The following TAF11 variants were observed in gnomAD, a reference collection of about 807,000 sequenced individuals.
The protein encoded by TAF11 is transcription initiation factor TFIID subunit 11.
A neutral mutation model predicts 23.0 loss-of-function variants in TAF11; 10 were observed. The ratio of observed to expected loss-of-function variants is 0.43; its 90% confidence interval spans 0.27 to 0.74. The LOEUF (loss-of-function observed/expected upper bound fraction) is 0.74, where lower values mean the gene tolerates loss of function less well. Among genes scored for constraint, TAF11 ranks in the 30% least tolerant of loss-of-function variants. The pLI, the probability that TAF11 is intolerant of heterozygous loss-of-function variation, is 0.19. For synonymous variants in TAF11, 85 were observed against 95.8 expected (o/e 0.89, Z 0.66); for missense variants, 196 against 261.7 (o/e 0.75, Z 1.73).
Position 34,877,674 on chromosome 6 carries a change from C to G in TAF11, c.*916G>C, listed in dbSNP as rs961806290. The G allele has an allele frequency of 1.3e-5, 2 of 152,198 alleles. No homozygotes were observed. Among genetic ancestry groups the G allele is most frequent in the Non-Finnish European group, 2.9e-5 (2 of 67,992 alleles). The allele number at this position is 152,198 out of a possible 1,614,324, so 9.4% of individuals were successfully genotyped here. A position where few individuals can be genotyped will look rare whatever the true frequency, so the allele number is the denominator to read the frequency against. ...TTTAATGGTTCTACTAGAAAAAGTG[C>G]TCAAATTTTCACAAAATAGCCAAAA... On this transcript the variant is annotated 3_prime_UTR_variant, in exon 5 of 5. Transcript: ENST00000361288.
chr6:34,882,410 G>A (rs1321324610), intron 2 of TAF11, among the ~76,000 whole-genome samples: 1 of 151,744 alleles, frequency 6.6e-6, no homozygotes, highest in African/African-American at 2.4e-5. Flanking sequence ...TTGGGAGGCC[G>A]AGGCGGGCAG....
At position 34,878,402 on chromosome 6, in the gene TAF11, C is replaced by G; in HGVS notation, c.*188G>C. The stretch of plus-strand genomic sequence containing the variant: ...GCCCCAAGAGGTCCCAAAATTTAGT[C>G]AAGGCAAGTATCAATCAGGCTACAT... On this transcript the variant is annotated 3_prime_UTR_variant, in exon 5 of 5. Transcript: ENST00000361288. The G allele has an allele frequency of 1.8e-6, 1 of 556,118 alleles. No individual in the cohort carries two copies. Among genetic ancestry groups the G allele is most frequent in the Non-Finnish European group, 3.2e-6 (1 of 310,914 alleles). The allele number at this position is 556,118 out of a possible 1,614,324, so 34.4% of individuals were successfully genotyped here. A position where few individuals can be genotyped will look rare whatever the true frequency, so the allele number is the denominator to read the frequency against.
chr6:34,887,005 A>G (rs1766538961), intron 1 of TAF11, among the ~76,000 whole-genome samples: 1 of 151,796 alleles, frequency 6.6e-6, no homozygotes, highest in African/African-American at 2.4e-5. Context: ...ACCAGACCCA[A>G]TTGATGGGTC....
rs765594003 is a variant in TAF11 at position 34,887,974 on chromosome 6, G to A, written c.-17C>T. 8 of 1,613,158 alleles carry A rather than the reference G, an allele frequency of 5.0e-6. No individual in the cohort carries two copies. The highest frequency in any genetic ancestry group is 2.2e-5 in the South Asian group (2 of 91,080). On this transcript the variant is annotated 5_prime_UTR_variant, in exon 1 of 5. Coordinates refer to ENST00000361288, the MANE Select transcript of TAF11 (RefSeq NM_005643.4). ...ATCGTCCATCACGGATAGGATTGGA[G>A]GGGAGAGGAGATCGCGGAGATGCCT...
chr6:34,880,281 A>G lies in TAF11; in HGVS notation c.408+8T>C, dbSNP rs749490510. On this transcript the variant is annotated splice_region_variant and intron_variant, in intron 3 of 4. Transcript: ENST00000361288. The surrounding 1 kb of genome is among the most constrained non-coding windows in gnomAD (Gnocchi z 4.8). ...TGATGGAGATGAAGTGTGGTGGTCC[A>G]TCCTTACCCTTTTGATGGCTGCCTT... The G allele has an allele frequency of 1.2e-6, 2 of 1,614,066 alleles. No homozygotes were observed. The highest frequency in any genetic ancestry group is 2.2e-5 in the South Asian group (2 of 91,078).
At chr6:34,886,414 A>C (rs1283245111) in intron 1 of TAF11, among the ~76,000 whole-genome samples, 1 of 136,838 alleles carries the variant, frequency 7.3e-6, no homozygotes, top group Non-Finnish European at 1.5e-5. Context: ...AACAAACAAA[A>C]AACCTGCCTT....
At chr6:34,883,872 CTCATA>C (rs1766488050) in intron 1 of TAF11, among the ~76,000 whole-genome samples, 1 of 152,186 alleles carries the variant, frequency 6.6e-6, no homozygotes, top group South Asian at 2.1e-4. Context: ...GAGATACCAT[CTCATA>C]TCAGTCAGAA....
intron 2 of TAF11, 51 bp downstream of exon 2, chr6:34,882,881 G>A: frequency 6.6e-6 from 10 of 1,516,318 alleles, no homozygotes; most frequent in South Asian, 2.7e-5. Context: ...TATTAAATTT[G>A]TGTGGTCAAG....
chr6:34,883,083 G>A lies in TAF11; in HGVS notation c.172-3C>T. On this transcript the variant is annotated splice_polypyrimidine_tract_variant and splice_region_variant and intron_variant, in intron 1 of 4. Transcript: ENST00000361288. ...TCTGAGACATCCTGACTCTCGAGCT[G>A]GGAAGATGAAAGAAACTCTATTATA... 2.5e-6 allele frequency: 4 copies of A among 1,605,788 alleles called. No homozygotes were observed. Among genetic ancestry groups the A allele is most frequent in the Non-Finnish European group, 3.4e-6 (4 of 1,177,968 alleles).
chr6:34,877,904 A>AAAG lies in TAF11; in HGVS notation c.*683_*685dup, dbSNP rs1283353351. On this transcript the variant is annotated 3_prime_UTR_variant, in exon 5 of 5. Coordinates refer to ENST00000361288, the MANE Select transcript of TAF11 (RefSeq NM_005643.4). ...CCTTCATGGTAGAGTATCACAAGTA[A>AAAG]AAGTTTCTGGTTGTTTCATCTACTT... The AAAG allele has an allele frequency of 1.3e-5, 2 of 152,160 alleles. No homozygotes were observed. The highest frequency in any genetic ancestry group is 2.9e-5 in the Non-Finnish European group (2 of 68,026). The allele number at this position is 152,160 out of a possible 1,614,324, so 9.4% of individuals were successfully genotyped here. A position where few individuals can be genotyped will look rare whatever the true frequency, so the allele number is the denominator to read the frequency against.
At chr6:34,879,371 C>T in intron 4 of TAF11, 1 of 963,508 alleles carries the variant, frequency 1.0e-6, no homozygotes, top group African/African-American at 1.8e-5. Flanking sequence ...TGTATACCAT[C>T]TTAATTTGTG....
chr6:34,880,361 A>G lies in TAF11; in HGVS notation c.336T>C (p.Ser112=). 1 of 1,614,070 alleles carries G rather than the reference A, an allele frequency of 6.2e-7. No homozygotes were observed. The highest frequency in any genetic ancestry group is 8.5e-7 in the Non-Finnish European group (1 of 1,179,970). The change falls in exon 3 of 5, where the codon TCT becomes TCC. Residue 112 remains serine (S), a synonymous_variant. Transcript: ENST00000361288. The surrounding 1 kb of genome is among the most constrained non-coding windows in gnomAD (Gnocchi z 4.8). The stretch of plus-strand genomic sequence containing the variant: ...AACGGTTCAGCTGCTCCTCAGAAAA[A>G]GAAGAAACCAGGATTCTAAACAAAG... ...EIQKMQILVS[S]FSEEQLNRYE...
chr6:34,885,212 C>T (rs1425023023), intron 1 of TAF11, among the ~76,000 whole-genome samples: 1 of 152,040 alleles, frequency 6.6e-6, no homozygotes. Context: ...GATCTGCAGG[C>T]GTGACCCACT....
chr6:34,880,075 C>G lies in TAF11; in HGVS notation c.409-12G>C. ...ATGGACTGGATCAGCTTGAAAGAAG[C>G]ACAAAGACTCCGTGATCACAATAGT... On this transcript the variant is annotated splice_polypyrimidine_tract_variant and intron_variant, in intron 3 of 4. Coordinates refer to ENST00000361288, the MANE Select transcript of TAF11 (RefSeq NM_005643.4). This position sits in a 1 kb window ranked among gnomAD's most constrained non-coding sequence, Gnocchi z 4.8. 2 of 1,611,200 alleles carry G rather than the reference C, an allele frequency of 1.2e-6. No individual in the cohort carries two copies. Among genetic ancestry groups the G allele is most frequent in the Non-Finnish European group, 1.7e-6 (2 of 1,177,514 alleles).
At position 34,883,120 on chromosome 6, in the gene TAF11, C is replaced by T. The variant is rs763282150; in HGVS notation, c.172-40G>A. 6 of 1,580,854 alleles carry T rather than the reference C, an allele frequency of 3.8e-6. No homozygotes were observed. In the East Asian group the frequency reaches 1.4e-4, roughly 36 times the overall value. ...GAAACTCTATTATATATTTGGCCTACTTTCCAGGCTTGGGCAAAGTAAGAA... is the reference window on the plus strand; with the variant it reads ...GAAACTCTATTATATATTTGGCCTATTTTCCAGGCTTGGGCAAAGTAAGAA... On this transcript the variant is annotated intron_variant, in intron 1 of 4. Coordinates refer to ENST00000361288, the MANE Select transcript of TAF11 (RefSeq NM_005643.4).
chr6:34,878,833 A>AACAG, intron 4 of TAF11, 113 bp from the exon 5 acceptor site: 1 of 909,204 alleles, frequency 1.1e-6, no homozygotes. Context: ...TAAGGAAATA[A>AACAG]ACAGACATTT....
chr6:34,887,045 T>C (rs972979657), intron 1 of TAF11, among the ~76,000 whole-genome samples: 4 of 152,054 alleles, frequency 2.6e-5, no homozygotes, highest in Non-Finnish European at 5.9e-5. Flanking sequence ...GGCTCACGCC[T>C]GTAATCCTAG....
chr6:34,883,243 C>T, intron 1 of TAF11, 163 bp from the exon 2 acceptor site: 1 of 617,762 alleles, frequency 1.6e-6, no homozygotes, highest in Non-Finnish European at 2.6e-6. Context: ...CAGTATCTCT[C>T]CTAAGGGAAG....
chr6:34,880,206 C>A lies in TAF11; in HGVS notation c.408+83G>T. On this transcript the variant is annotated intron_variant, in intron 3 of 4. Coordinates refer to ENST00000361288, the MANE Select transcript of TAF11 (RefSeq NM_005643.4). This position sits in a 1 kb window ranked among gnomAD's most constrained non-coding sequence, Gnocchi z 4.8. ...AAATAATCCCCTGACTTGTCTAACA[C>A]CTCACTTCAAATGCCAATGGACATG... 6.5e-6 allele frequency: 10 copies of A among 1,548,176 alleles called. No homozygotes were observed. The highest frequency in any genetic ancestry group is 8.9e-6 in the Non-Finnish European group (10 of 1,123,736).
Sources: gnomAD v4.1 joint callset for allele counts (sites outside exome capture counted in the v4.1 genomes callset) on GRCh38, gnomAD v4.1.1 for gene constraint, Gnocchi (gnomAD v3.1) non-coding constraint, MANE v1.5 for transcripts, NCBI Gene and HGNC (gene_info 2026-07-23, HGNC 2026-07-21) for gene names.